CFAP300: variants seen among roughly 807,000 people sequenced by gnomAD.
CFAP300 encodes cilia- and flagella-associated protein 300.
In CFAP300, 32 loss-of-function variants were observed where a neutral mutation model predicts 33.0. That is an observed-to-expected ratio of 0.97 (90% confidence interval 0.73 to 1.30). The LOEUF is 1.30. Among genes scored for constraint, CFAP300 ranks in the 50% most tolerant of loss-of-function variants. CFAP300 has a pLI of 0.00. For missense variants in CFAP300, 356 were observed against 318.1 expected, an observed-to-expected ratio of 1.12 and a Z score of -0.90; for synonymous variants, 102 against 106.8, an observed-to-expected ratio of 0.95 and a Z score of 0.28.
intron 6 of CFAP300, among the ~76,000 whole-genome samples, chr11:102,082,400 A>G (rs193012842): frequency 6.6e-6 from 1 of 152,094 alleles, no homozygotes; most frequent in Non-Finnish European, 1.5e-5. Context: ...TAAAAAAAAA[A>G]AGAGAAAACA....
rs557902533 is a variant in CFAP300 at position 102,077,012 on chromosome 11, A to G, written c.608+967A>G. Among the ~76,000 whole-genome samples, 24 of 152,268 alleles carry G rather than the reference A, an allele frequency of 1.6e-4. 1 individual carries two copies. In the South Asian group the frequency reaches 4.3e-3, roughly 28 times the overall value. ...ATATATCAAACATACTGTCCTAATT[A>G]TTTGAAGTTCATGTAAACCTGCTAG... On this transcript the variant is annotated intron_variant, in intron 5 of 6. Coordinates refer to ENST00000434758, the MANE Select transcript of CFAP300 (RefSeq NM_032930.3).
At chr11:102,077,049 C>T (rs1469769357) in intron 5 of CFAP300, among the ~76,000 whole-genome samples, 3 of 152,012 alleles carry the variant, frequency 2.0e-5, no homozygotes, top group Non-Finnish European at 4.4e-5. Context: ...CTGCTTCTAG[C>T]ACTCCCTGAA....
intron 3 of CFAP300, among the ~76,000 whole-genome samples, chr11:102,061,217 G>A (rs1942145332): frequency 6.6e-6 from 1 of 152,170 alleles, no homozygotes; most frequent in Non-Finnish European, 1.5e-5. Context: ...TATTTCAGAA[G>A]CAGAAGTTCT....
intron 5 of CFAP300, among the ~76,000 whole-genome samples, chr11:102,076,866 G>GA (rs1357180022): frequency 6.6e-6 from 1 of 152,100 alleles, no homozygotes; most frequent in Non-Finnish European, 1.5e-5. Flanking sequence ...TTTAAAAACA[G>GA]AAAAATGTTT....
chr11:102,077,917 G>A (rs1397815430), intron 5 of CFAP300, among the ~76,000 whole-genome samples: 1 of 151,652 alleles, frequency 6.6e-6, no homozygotes, highest in African/African-American at 2.4e-5. Context: ...TTGAGACAGG[G>A]TCTCACTCTG....
At chr11:102,052,072 A>G (rs1941979588) in intron 2 of CFAP300, among the ~76,000 whole-genome samples, 1 of 152,204 alleles carries the variant, frequency 6.6e-6, no homozygotes, top group South Asian at 2.1e-4. Context: ...TTTTTTAAAA[A>G]TTCACTTATT....
intron 4 of CFAP300, 30 bp downstream of exon 4, chr11:102,066,681 G>A (rs749397372): frequency 1.3e-6 from 2 of 1,555,798 alleles, no homozygotes; most frequent in South Asian, 1.3e-5. Context: ...ATTTCGCAGT[G>A]GAATTTTATT....
chr11:102,074,804 G>A (rs999946397), intron 4 of CFAP300, among the ~76,000 whole-genome samples: 35 of 151,442 alleles, frequency 2.3e-4, no homozygotes, highest in African/African-American at 8.5e-4. Context: ...CTGAGCTCAA[G>A]CAATCCTCCC....
At chr11:102,048,154 T>C (rs934193903) in intron 2 of CFAP300, among the ~76,000 whole-genome samples, 1 of 152,232 alleles carries the variant, frequency 6.6e-6, no homozygotes, top group Admixed American at 6.5e-5. Context: ...TTTGCAGTTC[T>C]GGAAGATCGC....
chr11:102,066,976 A>G (rs1942237056), intron 4 of CFAP300, among the ~76,000 whole-genome samples: 3 of 152,234 alleles, frequency 2.0e-5, no homozygotes, highest in South Asian at 2.1e-4. Context: ...CTGAAGCAGG[A>G]AAGTCCTGGC....
intron 6 of CFAP300, among the ~76,000 whole-genome samples, chr11:102,082,839 A>T (rs1029367413): frequency 1.3e-5 from 2 of 152,026 alleles, no homozygotes; most frequent in Non-Finnish European, 2.9e-5. Flanking sequence ...TCTACTAAAA[A>T]CACAAAAATT....
intron 6 of CFAP300, among the ~76,000 whole-genome samples, chr11:102,082,860 G>T (rs1171633818): frequency 6.6e-6 from 1 of 152,044 alleles, no homozygotes; most frequent in Non-Finnish European, 1.5e-5. Flanking sequence ...AGCTGGGCAT[G>T]GTGGCACATG....
At chr11:102,069,403 C>T (rs1027877383) in intron 4 of CFAP300, among the ~76,000 whole-genome samples, 1 of 152,056 alleles carries the variant, frequency 6.6e-6, no homozygotes, top group African/African-American at 2.4e-5. Context: ...CTAAGAGCTA[C>T]GTAGCTGAAG....
intron 2 of CFAP300, among the ~76,000 whole-genome samples, chr11:102,055,547 T>TG (rs1368379764): frequency 6.7e-6 from 1 of 150,250 alleles, no homozygotes; most frequent in Non-Finnish European, 1.5e-5. Context: ...TTAGTAGAGA[T>TG]GGGGTTTCAC....
intron 2 of CFAP300, among the ~76,000 whole-genome samples, chr11:102,050,151 T>A (rs1941948005): frequency 6.6e-6 from 1 of 152,150 alleles, no homozygotes; most frequent in Admixed American, 6.5e-5. Context: ...AATTTCTCTA[T>A]TACTTTATGA....
chr11:102,063,097 G>A (rs1942173670), intron 3 of CFAP300, among the ~76,000 whole-genome samples: 1 of 151,698 alleles, frequency 6.6e-6, no homozygotes, highest in Non-Finnish European at 1.5e-5. Flanking sequence ...TGGAGGCAGG[G>A]CCACCCTGCA....
At chr11:102,047,605 G>GAAGA in intron 1 of CFAP300, 25 bp downstream of exon 1, 1 of 1,530,122 alleles carries the variant, frequency 6.5e-7, no homozygotes, top group East Asian at 2.4e-5. Context: ...CACAGGGAGA[G>GAAGA]AAGAGGCCCT....
At chr11:102,079,253 C>A (rs1261084208) in intron 5 of CFAP300, among the ~76,000 whole-genome samples, 2 of 152,056 alleles carry the variant, frequency 1.3e-5, no homozygotes, top group Non-Finnish European at 2.9e-5. Flanking sequence ...TTAGATATAA[C>A]CATAGATATG....
chr11:102,055,335 T>C (rs374925306), intron 2 of CFAP300, among the ~76,000 whole-genome samples: 122 of 149,882 alleles, frequency 8.1e-4, no homozygotes, highest in African/African-American at 2.5e-3. Context: ...ATAAAAGTTT[T>C]ATTTTGTTTT....
Sources: gnomAD v4.1 joint callset for allele counts (sites outside exome capture counted in the v4.1 genomes callset) on GRCh38, gnomAD v4.1.1 for gene constraint, MANE v1.5 for transcripts, NCBI Gene and HGNC (gene_info 2026-07-23, HGNC 2026-07-21) for gene names.